RAB3C: variants seen among roughly 807,000 people sequenced by gnomAD.
The protein encoded by RAB3C is RAB3C, member RAS oncogene family.
Under a neutral mutation model 26.4 loss-of-function variants are expected in RAB3C, and 17 were observed. The ratio of observed to expected loss-of-function variants is 0.64; its 90% confidence interval spans 0.44 to 0.97. The LOEUF (loss-of-function observed/expected upper bound fraction) is 0.97, where lower values mean the gene tolerates loss of function less well. Among genes scored for constraint, RAB3C ranks in the 50% least tolerant of loss-of-function variants. RAB3C has a pLI of 0.00. For missense variants in RAB3C, 242 were observed against 281.9 expected (o/e 0.86, Z 1.01); for synonymous variants, 91 against 95.9 (o/e 0.95, Z 0.30).
At chr5:58,583,440 T>C in intron 1 of RAB3C, 1 of 662,912 alleles carries the variant, frequency 1.5e-6, no homozygotes, top group Non-Finnish European at 1.9e-6. Context: ...GATCGGGCTA[T>C]TCGCAATCTT....
intron 3 of RAB3C, among the ~76,000 whole-genome samples, chr5:58,777,303 G>A (rs1258121603): frequency 6.6e-6 from 1 of 152,038 alleles, no homozygotes; most frequent in African/African-American, 2.4e-5. Context: ...TGTATGCTAT[G>A]CACCAAACTT....
intron 3 of RAB3C, among the ~76,000 whole-genome samples, chr5:58,741,353 T>C (rs973289132): frequency 1.3e-5 from 2 of 152,142 alleles, no homozygotes; most frequent in African/African-American, 4.8e-5. Flanking sequence ...ATGCATCTTC[T>C]CTCCTTGGAA....
At chr5:58,810,798 T>G (rs917872761) in intron 3 of RAB3C, among the ~76,000 whole-genome samples, 3 of 152,208 alleles carry the variant, frequency 2.0e-5, no homozygotes, top group Admixed American at 2.0e-4. Flanking sequence ...GGTTTCGCCA[T>G]GTTGGCCAGG....
intron 1 of RAB3C, among the ~76,000 whole-genome samples, chr5:58,610,235 T>A (rs969366129): frequency 1.3e-5 from 2 of 151,096 alleles, no homozygotes; most frequent in African/African-American, 4.9e-5. Flanking sequence ...CATACGTTTT[T>A]ATTTCTCTTG....
intron 2 of RAB3C, among the ~76,000 whole-genome samples, chr5:58,684,565 AC>A (rs1313590293): frequency 6.6e-6 from 1 of 151,462 alleles, no homozygotes; most frequent in African/African-American, 2.4e-5. Context: ...TTCTTACCTG[AC>A]CCCCATATCC....
chr5:58,673,863 G>A (rs983449426), intron 2 of RAB3C, among the ~76,000 whole-genome samples: 1 of 152,208 alleles, frequency 6.6e-6, no homozygotes, highest in Non-Finnish European at 1.5e-5. Context: ...GAGGATGGCT[G>A]TGACTCCTGC....
chr5:58,624,169 T>C (rs115032957), intron 2 of RAB3C, among the ~76,000 whole-genome samples: 1,934 of 152,234 alleles, frequency 0.013, 17 homozygotes, highest in Non-Finnish European at 0.022. Flanking sequence ...GGACATATAA[T>C]GGTAGAGCAC....
At chr5:58,803,141 A>G (rs1742848336) in intron 3 of RAB3C, among the ~76,000 whole-genome samples, 2 of 152,206 alleles carry the variant, frequency 1.3e-5, no homozygotes, top group Non-Finnish European at 2.9e-5. Flanking sequence ...GCCCCTAAGA[A>G]GAATAAAACT....
At chr5:58,660,158 C>T (rs1747871153) in intron 2 of RAB3C, among the ~76,000 whole-genome samples, 2 of 150,156 alleles carry the variant, frequency 1.3e-5, no homozygotes, top group African/African-American at 5.1e-5. Flanking sequence ...TAAAACAAAA[C>T]AAAGCAAACA....
chr5:58,653,764 G>A (rs1349752198), intron 2 of RAB3C, among the ~76,000 whole-genome samples: 1 of 152,176 alleles, frequency 6.6e-6, no homozygotes, highest in Non-Finnish European at 1.5e-5. Flanking sequence ...GCACATGAGA[G>A]ATACAGGAAC....
intron 4 of RAB3C, among the ~76,000 whole-genome samples, chr5:58,829,064 C>T (rs1312483320): frequency 6.6e-6 from 1 of 151,774 alleles, no homozygotes; most frequent in African/African-American, 2.4e-5. Flanking sequence ...CCACCACGCC[C>T]GGCTACTTTT....
chr5:58,766,099 T>C (rs979585821), intron 3 of RAB3C, among the ~76,000 whole-genome samples: 1 of 151,780 alleles, frequency 6.6e-6, no homozygotes, highest in Non-Finnish European at 1.5e-5. Flanking sequence ...TCTTTACAAA[T>C]TACCCAGTTT....
intron 4 of RAB3C, among the ~76,000 whole-genome samples, chr5:58,842,522 A>G (rs1743897608): frequency 6.6e-6 from 1 of 152,126 alleles, no homozygotes; most frequent in South Asian, 2.1e-4. Flanking sequence ...TTCTCCACTA[A>G]ATCTTGGTAC....
intron 3 of RAB3C, among the ~76,000 whole-genome samples, chr5:58,782,858 G>A (rs1467654178): frequency 2.0e-5 from 3 of 152,028 alleles, no homozygotes; most frequent in Non-Finnish European, 2.9e-5. Flanking sequence ...CAGGATCTAG[G>A]ACCACATTTA....
chr5:58,592,661 A>G (rs1746159636), intron 1 of RAB3C, among the ~76,000 whole-genome samples: 1 of 152,024 alleles, frequency 6.6e-6, no homozygotes, highest in Admixed American at 6.6e-5. Context: ...TTTTGCCTTC[A>G]TTTTTGAATA....
chr5:58,670,033 C>T (rs1048988769), intron 2 of RAB3C, among the ~76,000 whole-genome samples: 2 of 152,102 alleles, frequency 1.3e-5, no homozygotes, highest in African/African-American at 2.4e-5. Context: ...TATTGATGCA[C>T]GTGTCTATAA....
At chr5:58,745,472 C>G (rs1741384748) in intron 3 of RAB3C, among the ~76,000 whole-genome samples, 1 of 151,242 alleles carries the variant, frequency 6.6e-6, no homozygotes, top group African/African-American at 2.4e-5. Flanking sequence ...TCTGACCCAC[C>G]AGACCACAAG....
At chr5:58,596,700 AT>A (rs1472107097) in intron 1 of RAB3C, among the ~76,000 whole-genome samples, 7 of 27,650 alleles carry the variant, frequency 2.5e-4, no homozygotes, top group Admixed American at 6.0e-4. Flanking sequence ...TACATAATAT[AT>A]TATATATAAA....
intron 1 of RAB3C, chr5:58,617,359 T>G (rs565143019): frequency 3.3e-5 from 20 of 602,876 alleles, no homozygotes; most frequent in Non-Finnish European, 4.9e-5. Flanking sequence ...GTTACCCTTA[T>G]AGACATCCCC....
Sources: allele counts gnomAD v4.1 joint callset (sites outside exome capture counted in the v4.1 genomes callset), GRCh38; gene constraint gnomAD v4.1.1; transcripts MANE v1.5; gene names NCBI Gene and HGNC (gene_info 2026-07-23, HGNC 2026-07-21).